FBXO4: variants seen among roughly 807,000 people sequenced by gnomAD.
The protein encoded by FBXO4 is F-box protein 4, also known as F-box only protein 4.
In FBXO4, 36 loss-of-function variants were observed where a neutral mutation model predicts 43.7. That is an observed-to-expected ratio of 0.82 (90% CI 0.63 to 1.09). The LOEUF is 1.09. FBXO4 is among the 50% of genes least tolerant of loss of function. FBXO4 has a pLI of 0.00. For missense variants in FBXO4, 435 were observed against 474.1 expected, an observed-to-expected ratio of 0.92 and a Z score of 0.77; for synonymous variants, 180 against 165.6, an observed-to-expected ratio of 1.09 and a Z score of -0.67.
At chr5:42,039,412 T>C in the FBXO4 span, among the ~76,000 whole-genome samples, 1 of 152,146 alleles carries the variant, frequency 6.6e-6, no homozygotes. Flanking sequence ...ACTATCCTTG[T>C]GCATTGCTGC....
the FBXO4 span, among the ~76,000 whole-genome samples, chr5:42,039,708 C>A: frequency 6.6e-6 from 1 of 152,020 alleles, no homozygotes; most frequent in Non-Finnish European, 1.5e-5. Flanking sequence ...GATAGTACTT[C>A]CGTGATAATG....
At chr5:41,931,908 G>T (rs1191628889) in intron 3 of FBXO4, among the ~76,000 whole-genome samples, 2 of 152,146 alleles carry the variant, frequency 1.3e-5, no homozygotes, top group Non-Finnish European at 2.9e-5. Flanking sequence ...ATTTTTTTCA[G>T]AGGGTTGGTG....
At chr5:41,969,990 T>C in the FBXO4 span, among the ~76,000 whole-genome samples, 2 of 152,242 alleles carry the variant, frequency 1.3e-5, no homozygotes, top group Middle Eastern at 6.8e-3. Context: ...GGTTACTGTA[T>C]ACAAAGCAAC....
chr5:41,978,128 T>C, the FBXO4 span, among the ~76,000 whole-genome samples: 1 of 152,130 alleles, frequency 6.6e-6, no homozygotes, highest in African/African-American at 2.4e-5. Context: ...GCATGTCACA[T>C]GGTGAGAGTG....
the FBXO4 span, among the ~76,000 whole-genome samples, chr5:42,006,936 A>T: frequency 1.4e-5 from 2 of 142,318 alleles, no homozygotes; most frequent in Non-Finnish European, 3.0e-5. Context: ...ACACACATAC[A>T]TACATATATA....
the FBXO4 span, among the ~76,000 whole-genome samples, chr5:42,028,407 G>T: frequency 6.6e-6 from 1 of 151,598 alleles, no homozygotes; most frequent in African/African-American, 2.4e-5. Flanking sequence ...TTCAGTTTTT[G>T]TGTGTTTTTA....
chr5:42,003,491 G>A, the FBXO4 span, among the ~76,000 whole-genome samples: 1 of 152,168 alleles, frequency 6.6e-6, no homozygotes, highest in African/African-American at 2.4e-5. Flanking sequence ...ACAGATGCCT[G>A]TAATTTGGCT....
chr5:42,032,057 C>CTGTGTGTGTGTGTGTGTGTGTG, the FBXO4 span, among the ~76,000 whole-genome samples: 1 of 139,236 alleles, frequency 7.2e-6, no homozygotes, highest in East Asian at 2.1e-4. Flanking sequence ...GTCTTTTTTT[C>CTGTGTGTGTGTGTGTGTGTGTG]TGTGTGTGTG....
chr5:42,028,965 A>G, the FBXO4 span, among the ~76,000 whole-genome samples: 1 of 151,846 alleles, frequency 6.6e-6, no homozygotes, highest in African/African-American at 2.4e-5. Context: ...TATACAGAGG[A>G]TGAGTAGTTT....
chr5:41,973,766 G>A, the FBXO4 span, among the ~76,000 whole-genome samples: 1 of 152,088 alleles, frequency 6.6e-6, no homozygotes, highest in Admixed American at 6.6e-5. Flanking sequence ...TGTTGCTATT[G>A]TCATTCTTTT....
the FBXO4 span, among the ~76,000 whole-genome samples, chr5:41,972,355 A>T: frequency 2.6e-4 from 39 of 152,276 alleles, no homozygotes; most frequent in Admixed American, 1.9e-3. Context: ...CAGTAGCCAC[A>T]AAATAGATAA....
At chr5:42,015,719 GAAA>G in the FBXO4 span, among the ~76,000 whole-genome samples, 1 of 144,694 alleles carries the variant, frequency 6.9e-6, no homozygotes, top group African/African-American at 2.5e-5. Flanking sequence ...TGCCAGGATT[GAAA>G]AAAAAAAAGT....
At chr5:42,037,637 T>A in the FBXO4 span, among the ~76,000 whole-genome samples, 1 of 152,088 alleles carries the variant, frequency 6.6e-6, no homozygotes, top group South Asian at 2.1e-4. Flanking sequence ...CTGAACATTT[T>A]AAAATGTTAA....
the FBXO4 span, among the ~76,000 whole-genome samples, chr5:41,961,373 A>G: frequency 6.6e-6 from 1 of 152,136 alleles, no homozygotes; most frequent in Non-Finnish European, 1.5e-5. Context: ...TCAAGTTGGC[A>G]GTGGCACTGG....
At chr5:42,009,667 A>G in the FBXO4 span, among the ~76,000 whole-genome samples, 1 of 152,194 alleles carries the variant, frequency 6.6e-6, no homozygotes, top group Non-Finnish European at 1.5e-5. Context: ...ATGATGCTGC[A>G]CATCTCTGTC....
the FBXO4 span, among the ~76,000 whole-genome samples, chr5:41,982,157 C>T: frequency 6.6e-6 from 1 of 152,128 alleles, no homozygotes; most frequent in South Asian, 2.1e-4. Flanking sequence ...CATTGTTGGA[C>T]ATTTGGGTTG....
the FBXO4 span, among the ~76,000 whole-genome samples, chr5:42,039,412 T>G: frequency 2.6e-5 from 4 of 152,146 alleles, no homozygotes; most frequent in Non-Finnish European, 5.9e-5. Flanking sequence ...ACTATCCTTG[T>G]GCATTGCTGC....
chr5:41,999,494 C>CAT, the FBXO4 span, among the ~76,000 whole-genome samples: 48 of 86,838 alleles, frequency 5.5e-4, no homozygotes, highest in African/African-American at 2.4e-3. Context: ...TATATATATA[C>CAT]ATATATATAT....
Position 41,939,266 on chromosome 5 carries a change from A to G in FBXO4, c.899-175A>G, listed in dbSNP as rs1276999717. 3.2e-5 allele frequency: 16 copies of G among 505,196 alleles called. No homozygotes were observed. In the Admixed American group the frequency reaches 5.1e-4, roughly 16 times the overall value. 31.3% of individuals were successfully genotyped at this position (505,196 alleles called of 1,614,324 possible). A position where few individuals can be genotyped will look rare whatever the true frequency, so the allele number is the denominator to read the frequency against. The stretch of plus-strand genomic sequence containing the variant: ...TTTGTGAAAGGAACTACCTGTATCA[A>G]GCATTTTTGCTTTTAAACTGTGGAG... On this transcript the variant is annotated intron_variant, in intron 5 of 6. Transcript: ENST00000281623.
Sources: gnomAD v4.1 joint callset for allele counts (sites outside exome capture counted in the v4.1 genomes callset) on GRCh38, gnomAD v4.1.1 for gene constraint, MANE v1.5 for transcripts, NCBI Gene and HGNC (gene_info 2026-07-23, HGNC 2026-07-21) for gene names.